The following CPNE1 variants were observed in gnomAD, a reference collection of about 807,000 sequenced individuals.
The protein encoded by CPNE1 is copine-1.
Under a neutral mutation model 63.2 loss-of-function variants are expected in CPNE1, and 58 were observed. The observed-to-expected ratio is 0.92, with a 90% confidence interval of 0.74 to 1.14. The LOEUF (loss-of-function observed/expected upper bound fraction) is 1.14. Ranked by LOEUF, CPNE1 falls within the 50% of genes most tolerant of loss-of-function variation. The pLI, the probability that CPNE1 is intolerant of heterozygous loss-of-function variation, is 0.00. For synonymous variants in CPNE1, 237 were observed against 249.0 expected, an observed-to-expected ratio of 0.95 and a Z score of 0.45; for missense variants, 672 against 661.7, an observed-to-expected ratio of 1.02 and a Z score of -0.17.
chr20:35,658,836 C>T (rs2034064284), intron 1 of CPNE1: 2 of 644,880 alleles, frequency 3.1e-6, no homozygotes, highest in African/African-American at 3.7e-5. Context: ...CACACACACA[C>T]ACAATATAGT....
At position 35,632,518 on chromosome 20, in the gene CPNE1, T is replaced by A; in HGVS notation, c.308A>T (p.Gln103Leu). 1 of 1,613,200 alleles carries A rather than the reference T, an allele frequency of 6.2e-7. No individual in the cohort carries two copies. The highest frequency in any genetic ancestry group is 8.5e-7 in the Non-Finnish European group (1 of 1,179,334). Residue 103 changes from glutamine to leucine, a missense_variant and splice_region_variant, in exon 3 of 16, where the codon CAG becomes CTG. Coordinates refer to ENST00000397443, the MANE Select transcript of CPNE1 (RefSeq NM_152925.3). ...ATCCTAATCCCCAGCCCTACATACC[T>A]GTCCTAGGGAACACTCAGCACCCCC... ...FLGGAECSLG[Q>L]IVSSQVLTLP...
chr20:35,645,264 C>T (rs779700907), intron 1 of CPNE1, among the ~76,000 whole-genome samples: 7 of 152,152 alleles, frequency 4.6e-5, no homozygotes, highest in Non-Finnish European at 7.3e-5. Context: ...TCATTTGGGA[C>T]ACTGGGGAGA....
intron 14 of CPNE1, 72 bp from the exon 15 acceptor site, chr20:35,626,875 TCCC>T: frequency 8.3e-7 from 1 of 1,207,338 alleles, no homozygotes; most frequent in Non-Finnish European, 1.2e-6. Context: ...CAGCCACACA[TCCC>T]CACACTCATA....
In CPNE1 at chr20:35,643,648, C is replaced by T. The variant is rs531660504; in HGVS notation, c.1-10725G>A. 5.3e-5 allele frequency among the ~76,000 whole-genome samples: 8 copies of T among 152,198 alleles called. No homozygotes were observed. In the East Asian group the frequency reaches 1.5e-3, roughly 29 times the overall value. ...ATCCCAGCTACTTGGCAGGCTGAGGCAGGAGAATTGCTTGAACCCAGGAGG... is the reference window on the plus strand; with the variant it reads ...ATCCCAGCTACTTGGCAGGCTGAGGTAGGAGAATTGCTTGAACCCAGGAGG... On this transcript the variant is annotated intron_variant, in intron 1 of 15. Coordinates refer to ENST00000397443, the MANE Select transcript of CPNE1 (RefSeq NM_152925.3).
chr20:35,632,812 C>G lies in CPNE1; in HGVS notation c.112G>C (p.Gly38Arg). 1 of 872,578 alleles carries G rather than the reference C, an allele frequency of 1.1e-6. No homozygotes were observed. The allele number at this position is 872,578 out of a possible 1,614,324, so 54.1% of individuals were successfully genotyped here. The change falls in exon 2 of 16, where the codon GGG becomes CGG. Residue 38 changes from glycine (G) to arginine (R), a missense_variant. Coordinates refer to ENST00000397443, the MANE Select transcript of CPNE1 (RefSeq NM_152925.3). Reference protein sequence around the residue: ...PLCVLLQDVGGGSWAELGRTE... With the variant: ...PLCVLLQDVGRGSWAELGRTE... ...CGCCTCACCTCAGCCCAGCTGCCCC[C>G]TCCCACATCCTGTAAAAGGACGCAG...
rs143035537 is a variant in CPNE1, at chr20:35,630,758, C to A, written c.1033G>T (p.Val345Phe). ...GAGCTCACCTGCCAGTCAGGGGGAACCTGGGCCCCAAATCCAAATGCAGGG... is the reference window on the plus strand; with the variant it reads ...GAGCTCACCTGCCAGTCAGGGGGAAACTGGGCCCCAAATCCAAATGCAGGG... ...LFPAFGFGAQ[V>F]PPDWQVSHEF... Residue 345 changes from valine (V) to phenylalanine (F), a missense_variant, in exon 12 of 16, where the codon GTT becomes TTT. Val to Phe is a conservative substitution (Grantham distance 50). Transcript: ENST00000397443. The A allele has an allele frequency of 4.8e-5, 78 of 1,613,926 alleles. No individual in the cohort carries two copies. The African/African-American group carries it at 7.9e-4, about 16-fold the overall frequency.
chr20:35,631,698 G>A lies in CPNE1; in HGVS notation c.617C>T (p.Thr206Ile), dbSNP rs147778789. Residue 206 changes from threonine to isoleucine, a missense_variant, in exon 7 of 16, where the codon ACA becomes ATA. Thr to Ile is a moderately conservative substitution (Grantham distance 89, BLOSUM62 -1). Transcript: ENST00000397443. ...VQHFCGGNPS[T>I]PIQVQCSDYD... The stretch of plus-strand genomic sequence containing the variant: ...GGGCAAGCTCCTCACCTGGATGGGT[G>A]TGCTGGGGTTCCCACCACAGAAATG... The A allele has an allele frequency of 6.2e-4, 1,002 of 1,614,078 alleles. 1 individual carries two copies. In the Middle Eastern group the frequency reaches 9.9e-3, roughly 16 times the overall value.
chr20:35,627,187 CAA>C (rs746796889), intron 14 of CPNE1, 91 bp downstream of exon 14: 25,636 of 523,714 alleles, frequency 0.049, no homozygotes, highest in East Asian at 0.066. Context: ...GAGTCCATCT[CAA>C]AAAAAAAAAA....
intron 13 of CPNE1, among the ~76,000 whole-genome samples, chr20:35,628,357 A>G (rs1040107294): frequency 3.9e-5 from 6 of 152,088 alleles, no homozygotes; most frequent in Admixed American, 3.9e-4. Context: ...TGTGATGAGT[A>G]TTTGTATAGT....
rs1444000274 is a variant in CPNE1, at chr20:35,632,939, C to T, written c.1-16G>A. 2.3e-6 allele frequency: 2 copies of T among 866,510 alleles called. No homozygotes were observed. The highest frequency in any genetic ancestry group is 1.6e-5 in the African/African-American group (1 of 61,232). The allele number at this position is 866,510 out of a possible 1,614,324, so 53.7% of individuals were successfully genotyped here. On this transcript the variant is annotated splice_polypyrimidine_tract_variant and intron_variant, in intron 1 of 15. Coordinates refer to ENST00000397443, the MANE Select transcript of CPNE1 (RefSeq NM_152925.3). ...AGTGGGCCATCTGAGGGAAAAGGAG[C>T]TGGGTCAAGCACCAGGGAGCCTTCT...
chr20:35,631,846 A>C, intron 6 of CPNE1, 69 bp from the exon 7 acceptor site: 17 of 1,538,580 alleles, frequency 1.1e-5, no homozygotes, highest in Non-Finnish European at 1.5e-5. Flanking sequence ...ACACTTCTCT[A>C]CCCACCTGCA....
chr20:35,644,822 G>A (rs537075819), intron 1 of CPNE1, among the ~76,000 whole-genome samples: 72 of 152,238 alleles, frequency 4.7e-4, no homozygotes, highest in African/African-American at 1.6e-3. Flanking sequence ...TGACTGCTGG[G>A]GAAGGAAGGT....
intron 1 of CPNE1, chr20:35,653,378 C>T (rs766985860): frequency 1.2e-6 from 2 of 1,614,118 alleles, no homozygotes; most frequent in African/African-American, 1.3e-5. Flanking sequence ...ATTCCTGGAA[C>T]TGCAGGATTA....
At chr20:35,628,325 T>C (rs1328454191) in intron 13 of CPNE1, among the ~76,000 whole-genome samples, 1 of 149,648 alleles carries the variant, frequency 6.7e-6, no homozygotes, top group Non-Finnish European at 1.5e-5. Flanking sequence ...AAAAAAAAAC[T>C]AGAGGGGAAT....
chr20:35,658,696 G>A (rs942792454), intron 1 of CPNE1, among the ~76,000 whole-genome samples: 1 of 151,882 alleles, frequency 6.6e-6, no homozygotes, highest in Non-Finnish European at 1.5e-5. Flanking sequence ...GGAGGCGGAG[G>A]TTGCAGTGAG....
At chr20:35,627,236 A>G (rs756058775) in intron 14 of CPNE1, 44 bp downstream of exon 14, 2 of 1,533,664 alleles carry the variant, frequency 1.3e-6, no homozygotes, top group Middle Eastern at 1.8e-4. Context: ...CCCTCAAGGA[A>G]GCCCTTGATT....
chr20:35,654,542 C>A (rs759609002), intron 1 of CPNE1: 1 of 1,614,206 alleles, frequency 6.2e-7, no homozygotes, highest in Non-Finnish European at 8.5e-7. Flanking sequence ...GCTCCAGAGC[C>A]ATTCATTCCA....
At chr20:35,659,793 T>G (rs991537922) in intron 1 of CPNE1, among the ~76,000 whole-genome samples, 7 of 152,236 alleles carry the variant, frequency 4.6e-5, no homozygotes, top group Non-Finnish European at 1.0e-4. Flanking sequence ...TATTAACAAG[T>G]CACAAGCATA....
intron 13 of CPNE1, chr20:35,627,668 G>C (rs941722807): frequency 1.1e-5 from 4 of 365,570 alleles, no homozygotes; most frequent in South Asian, 6.3e-5. Context: ...ATCCAGGAGA[G>C]TTTGAGCATC....
Sources: allele counts gnomAD v4.1 joint callset (sites outside exome capture counted in the v4.1 genomes callset), GRCh38; gene constraint gnomAD v4.1.1; transcripts MANE v1.5; gene names NCBI Gene and HGNC (gene_info 2026-07-23, HGNC 2026-07-21).